The following ANKS6 variants were observed in gnomAD, a reference collection of about 807,000 sequenced individuals.
ANKS6 encodes the protein ankyrin repeat and SAM domain-containing protein 6.
Under a neutral mutation model 77.9 loss-of-function variants are expected in ANKS6, and 47 were observed. The observed-to-expected ratio is 0.60, with a 90% CI of 0.48 to 0.77. The LOEUF (loss-of-function observed/expected upper bound fraction) is 0.77, where lower values mean the gene tolerates loss of function less well. ANKS6 is among the 30% of genes least tolerant of loss of function. The pLI, the probability that ANKS6 is intolerant of heterozygous loss-of-function variation, is 0.00. For missense variants in ANKS6, 1,150 were observed against 1,159.1 expected, an observed-to-expected ratio of 0.99 and a Z score of 0.11; for synonymous variants, 488 against 501.7, an observed-to-expected ratio of 0.97 and a Z score of 0.37.
chr9:98,760,208 C>A (rs562185887), intron 11 of ANKS6, among the ~76,000 whole-genome samples: 2 of 152,202 alleles, frequency 1.3e-5, no homozygotes, highest in Admixed American at 6.5e-5. Context: ...GGGCATACTA[C>A]CCTCCAGGAG....
At chr9:98,795,861 A>C (rs1270410819) in intron 1 of ANKS6, 2 of 313,130 alleles carry the variant, frequency 6.4e-6, no homozygotes, top group Non-Finnish European at 1.2e-5. Flanking sequence ...AATGAATTAA[A>C]TCTCTAAGGT....
At chr9:98,737,863 A>G (rs1417887787) in intron 14 of ANKS6, among the ~76,000 whole-genome samples, 5 of 152,226 alleles carry the variant, frequency 3.3e-5, no homozygotes. Context: ...CCAAAACAGC[A>G]TGGTACTGGT....
chr9:98,736,706 T>A, intron 14 of ANKS6, 83 bp from the exon 15 acceptor site: 1 of 1,479,182 alleles, frequency 6.8e-7, no homozygotes, highest in Non-Finnish European at 9.2e-7. Flanking sequence ...GTTGTTAATG[T>A]TCAACTCATA....
intron 1 of ANKS6, 106 bp from the exon 2 acceptor site, chr9:98,790,712 A>G: frequency 7.0e-7 from 1 of 1,431,140 alleles, no homozygotes; most frequent in Non-Finnish European, 9.5e-7. Context: ...GCTGCTCATG[A>G]TAAGAGGTCT....
intron 9 of ANKS6, among the ~76,000 whole-genome samples, chr9:98,772,262 G>A (rs926886968): frequency 2.6e-5 from 4 of 152,190 alleles, no homozygotes; most frequent in Non-Finnish European, 5.9e-5. Flanking sequence ...AAAGGCAGAG[G>A]GAATTTTGAC....
chr9:98,745,478 A>G (rs1215856757), intron 14 of ANKS6, 81 bp downstream of exon 14: 6 of 1,349,086 alleles, frequency 4.4e-6, no homozygotes, highest in Admixed American at 1.7e-5. Context: ...GAGAGGAAGT[A>G]AGACCTTCCC....
At chr9:98,767,640 G>A (rs1833373694) in intron 11 of ANKS6, among the ~76,000 whole-genome samples, 1 of 152,224 alleles carries the variant, frequency 6.6e-6, no homozygotes, top group Admixed American at 6.5e-5. Context: ...AGACCACTAA[G>A]AACGCTGTCA....
Position 98,790,589 on chromosome 9 carries a change from A to G in ANKS6, c.377T>C (p.Val126Ala). Residue 126 changes from valine (V) to alanine (A), a missense_variant, in exon 2 of 15, where the codon GTG (valine) becomes GCG (alanine). Val to Ala is a moderately conservative substitution (Grantham distance 64). Transcript: ENST00000353234. ...MQAARFGHVS[V>A]AHLLLDHGAD... ...CCCGTGATCCAACAGGAGGTGTGCC[A>G]CACTCACATGCCCAAATCTGCCAGG... The G allele has an allele frequency of 6.2e-7, 1 of 1,601,544 alleles. No individual in the cohort carries two copies. The highest frequency in any genetic ancestry group is 1.1e-5 in the South Asian group (1 of 90,846).
In ANKS6 at chr9:98,736,239, A is replaced by C. The variant is rs1831495016; in HGVS notation, c.*280T>G. On this transcript the variant is annotated 3_prime_UTR_variant, in exon 15 of 15. Coordinates refer to ENST00000353234, the MANE Select transcript of ANKS6 (RefSeq NM_173551.5). ...GAGGCTCCCGGGGAGGGCAGAGCAC[A>C]GGATGAAAGGAGCTGAGTCCCTGCA... 5 of 1,249,340 alleles carry C rather than the reference A, an allele frequency of 4.0e-6. No individual in the cohort carries two copies. The East Asian group carries it at 1.3e-4, about 34-fold the overall frequency. The allele number at this position is 1,249,340 out of a possible 1,614,324, so 77.4% of individuals were successfully genotyped here.
Position 98,735,128 on chromosome 9 carries a change from T to C in ANKS6, c.*1391A>G. ...GATCAGAATTCTGTGCAGCCTACCA[T>C]CGACTGGGTACTTCCTGCAGACCCA... On this transcript the variant is annotated 3_prime_UTR_variant, in exon 15 of 15. Transcript: ENST00000353234. The C allele has an allele frequency of 1.0e-6, 1 of 985,414 alleles. No individual in the cohort carries two copies. The highest frequency in any genetic ancestry group is 1.2e-6 in the Non-Finnish European group (1 of 829,940). 61.0% of individuals were successfully genotyped at this position (985,414 alleles called of 1,614,324 possible). A position where few individuals can be genotyped will look rare whatever the true frequency, so the allele number is the denominator to read the frequency against.
intron 1 of ANKS6, among the ~76,000 whole-genome samples, chr9:98,794,617 T>C (rs893390684): frequency 1.3e-5 from 2 of 152,144 alleles, no homozygotes; most frequent in African/African-American, 2.4e-5. Flanking sequence ...CTCAAGACTA[T>C]CCTGCAGAAC....
intron 11 of ANKS6, among the ~76,000 whole-genome samples, chr9:98,760,575 T>C (rs986594247): frequency 6.6e-6 from 1 of 152,250 alleles, no homozygotes; most frequent in Non-Finnish European, 1.5e-5. Context: ...AGACCAAATA[T>C]ACACTTCACT....
chr9:98,768,050 G>GTT, intron 11 of ANKS6, 31 bp downstream of exon 11: 1 of 1,579,682 alleles, frequency 6.3e-7, no homozygotes. Context: ...ATCTGTGAGT[G>GTT]TAACAGGAGG....
chr9:98,772,025 A>G (rs12057064), intron 9 of ANKS6, among the ~76,000 whole-genome samples: 32,742 of 152,144 alleles, frequency 0.22, 3,932 homozygotes, highest in East Asian at 0.35. Flanking sequence ...GAAGGCACTC[A>G]GTAGATGTGA....
intron 2 of ANKS6, among the ~76,000 whole-genome samples, chr9:98,787,895 A>C (rs1173071759): frequency 3.3e-5 from 5 of 152,168 alleles, no homozygotes. Context: ...CGCCGACAAC[A>C]CTATGGAGTA....
chr9:98,771,068 A>G (rs1361298935), intron 9 of ANKS6, 22 bp from the exon 10 acceptor site: 21 of 1,510,186 alleles, frequency 1.4e-5, no homozygotes, highest in Admixed American at 2.1e-5. Flanking sequence ...AGGCAGGTGC[A>G]GCACTTAGGG....
At chr9:98,784,353 A>T in intron 3 of ANKS6, 196 bp from the exon 4 acceptor site, 1 of 493,898 alleles carries the variant, frequency 2.0e-6, no homozygotes. Context: ...AGACAGAGAC[A>T]AACACACGAA....
At position 98,784,072 on chromosome 9, in the gene ANKS6, C is replaced by A. The variant is rs1181365404; in HGVS notation, c.993G>T (p.Met331Ile). The change falls in exon 4 of 15, where the codon ATG (methionine) becomes ATT (isoleucine). Residue 331 changes from methionine to isoleucine, a missense_variant. Physicochemically the swap from Met to Ile is conservative, Grantham distance 10. Transcript: ENST00000353234. ...CCAGCTGCCCCGTAACAGCTGCTAG[C>A]ATCAGTGGCGTCGCCCCGTCCCCAT... ...LVNGDGATPL[M>I]LAAVTGQLAL... The A allele has an allele frequency of 6.2e-7, 1 of 1,609,930 alleles. No homozygotes were observed. The highest frequency in any genetic ancestry group is 8.5e-7 in the Non-Finnish European group (1 of 1,178,146).
At chr9:98,774,129 A>G in intron 8 of ANKS6, 49 bp from the exon 9 acceptor site, 2 of 1,375,298 alleles carry the variant, frequency 1.5e-6, no homozygotes, top group Non-Finnish European at 1.9e-6. Context: ...AGGGCTCCCA[A>G]CTCTGCAGGA....
Sources: allele counts gnomAD v4.1 joint callset (sites outside exome capture counted in the v4.1 genomes callset), GRCh38; gene constraint gnomAD v4.1.1; transcripts MANE v1.5; gene names NCBI Gene and HGNC (gene_info 2026-07-23, HGNC 2026-07-21).